TNNI3K: variants seen among roughly 807,000 people sequenced by gnomAD.
TNNI3K encodes the protein serine/threonine-protein kinase TNNI3K.
In TNNI3K, 140 loss-of-function variants were observed where a neutral mutation model predicts 114.5. The observed-to-expected ratio is 1.22, with a 90% CI of 1.07 to 1.41. The LOEUF (loss-of-function observed/expected upper bound fraction) is 1.41. Ranked by LOEUF, TNNI3K falls within the 40% of genes most tolerant of loss-of-function variation. The pLI, the probability that TNNI3K is intolerant of heterozygous loss-of-function variation, is 0.00. For synonymous variants in TNNI3K, 347 were observed against 347.5 expected (o/e 1.00, Z 0.02); for missense variants, 1,125 against 1,007.6 (o/e 1.12, Z -1.58).
chr1:74,508,745 A>C (rs1374419539), intron 23 of TNNI3K, among the ~76,000 whole-genome samples: 1 of 152,208 alleles, frequency 6.6e-6, no homozygotes. Context: ...TGCTGATAAC[A>C]TAAGTGGGAG....
At chr1:74,432,152 A>G (rs983461722) in intron 17 of TNNI3K, among the ~76,000 whole-genome samples, 10 of 152,084 alleles carry the variant, frequency 6.6e-5, no homozygotes, top group Admixed American at 3.3e-4. Context: ...GTATAAGTTA[A>G]CCATTTTCCT....
At chr1:74,427,524 C>T (rs1665695395) in intron 17 of TNNI3K, among the ~76,000 whole-genome samples, 3 of 151,976 alleles carry the variant, frequency 2.0e-5, no homozygotes, top group Non-Finnish European at 2.9e-5. Flanking sequence ...TGTTCATCCA[C>T]GGTACCAATG....
Position 74,315,556 on chromosome 1 carries a change from G to T in TNNI3K, c.445-15894G>T, listed in dbSNP as rs976668567. Among the ~76,000 whole-genome samples the T allele has an allele frequency of 1.3e-4, 19 of 145,184 alleles. No homozygotes were observed. In the South Asian group the frequency reaches 3.3e-3, roughly 25 times the overall value. ...TTTGACAAATAAAACCAAGTTTTTG[G>T]TTTTTTTTTTTAACTGGATTTGTAG... On this transcript the variant is annotated intron_variant, in intron 5 of 24. Coordinates refer to ENST00000326637, the MANE Select transcript of TNNI3K (RefSeq NM_015978.3).
chr1:74,310,579 T>C (rs2100349870), intron 5 of TNNI3K, among the ~76,000 whole-genome samples: 1 of 152,232 alleles, frequency 6.6e-6, no homozygotes, highest in East Asian at 1.9e-4. Flanking sequence ...ACTACAAGCC[T>C]ACAGTAACTA....
chr1:74,527,693 T>C (rs1046154150), intron 23 of TNNI3K, among the ~76,000 whole-genome samples: 5 of 152,092 alleles, frequency 3.3e-5, no homozygotes, highest in East Asian at 1.9e-4. Context: ...CACTGAGGGA[T>C]TGGAATCAGG....
At chr1:74,289,646 G>T (rs1373814653) in intron 5 of TNNI3K, among the ~76,000 whole-genome samples, 2 of 151,894 alleles carry the variant, frequency 1.3e-5, no homozygotes, top group African/African-American at 4.8e-5. Flanking sequence ...CCTTGCCATT[G>T]ATAGCATGGA....
rs894322300 is a variant in TNNI3K at position 74,509,928 on chromosome 1, A to AT, written c.2351+17668dup. ...GCCACTGCACTTGGCTAATTTTTGT[A>AT]TTTTTTGTAGAGACAGGGTTTCACC... On this transcript the variant is annotated intron_variant, in intron 23 of 24. Transcript: ENST00000326637. Among the ~76,000 whole-genome samples, 7 of 150,860 alleles carry AT rather than the reference A, an allele frequency of 4.6e-5. No homozygotes were observed. In the South Asian group the frequency reaches 1.3e-3, roughly 27 times the overall value.
chr1:74,461,068 C>T (rs1433105804), intron 20 of TNNI3K, among the ~76,000 whole-genome samples: 1 of 150,908 alleles, frequency 6.6e-6, no homozygotes, highest in African/African-American at 2.5e-5. Context: ...CTTACAGCTA[C>T]ACCAGCTCAA....
intron 19 of TNNI3K, chr1:74,439,286 C>T (rs1337167238): frequency 3.2e-6 from 2 of 624,118 alleles, no homozygotes; most frequent in Non-Finnish European, 4.6e-6. Flanking sequence ...CTTTGAGGAA[C>T]TGAACAGCCA....
intron 5 of TNNI3K, among the ~76,000 whole-genome samples, chr1:74,297,522 C>CATGTGTGTGTGTGTGT (rs1553128510): frequency 4.1e-5 from 6 of 145,354 alleles, no homozygotes; most frequent in African/African-American, 1.5e-4. Flanking sequence ...TGTGTGTGTG[C>CATGTGTGTGTGTGTGT]GTGTGTGTGT....
intron 20 of TNNI3K, among the ~76,000 whole-genome samples, chr1:74,442,708 G>A (rs1046453676): frequency 1.2e-4 from 18 of 151,848 alleles, no homozygotes; most frequent in African/African-American, 3.6e-4. Context: ...TCTATTTTGT[G>A]TCTCTTGATA....
intron 24 of TNNI3K, among the ~76,000 whole-genome samples, chr1:74,543,290 T>A (rs1646749855): frequency 6.6e-6 from 1 of 152,058 alleles, no homozygotes; most frequent in Non-Finnish European, 1.5e-5. Context: ...ACCAGGATGG[T>A]CTCGATCTCC....
At chr1:74,268,094 G>T (rs11210444) in intron 4 of TNNI3K, among the ~76,000 whole-genome samples, 4,459 of 151,984 alleles carry the variant, frequency 0.029, 202 homozygotes, top group African/African-American at 0.1. Context: ...TATTAAATAT[G>T]TAAACAATTT....
chr1:74,527,563 G>C (rs534243936), intron 23 of TNNI3K, among the ~76,000 whole-genome samples: 1 of 152,284 alleles, frequency 6.6e-6, no homozygotes, highest in Admixed American at 6.5e-5. Flanking sequence ...GGTGGATAGG[G>C]AGGGGAGACA....
At chr1:74,283,953 A>G (rs1431910143) in intron 5 of TNNI3K, among the ~76,000 whole-genome samples, 1 of 152,142 alleles carries the variant, frequency 6.6e-6, no homozygotes, top group African/African-American at 2.4e-5. Context: ...TTTGCACACC[A>G]TACTCCTTAC....
chr1:74,378,627 T>TA (rs1246997245), intron 17 of TNNI3K: 6 of 83,628 alleles, frequency 7.2e-5, no homozygotes, highest in African/African-American at 3.1e-4. Flanking sequence ...TATATATATA[T>TA]ATATATATAT....
intron 23 of TNNI3K, among the ~76,000 whole-genome samples, chr1:74,494,926 A>C (rs1019583895): frequency 6.6e-6 from 1 of 152,212 alleles, no homozygotes; most frequent in Non-Finnish European, 1.5e-5. Flanking sequence ...GGAGAGCTAC[A>C]CAGAATAGGA....
intron 2 of TNNI3K, among the ~76,000 whole-genome samples, chr1:74,249,201 C>T (rs1654775618): frequency 6.6e-6 from 1 of 151,456 alleles, no homozygotes; most frequent in Non-Finnish European, 1.5e-5. Flanking sequence ...CATCTAGTAG[C>T]TGTCAGTGAT....
intron 17 of TNNI3K, among the ~76,000 whole-genome samples, chr1:74,403,308 T>G (rs1664461597): frequency 6.6e-6 from 1 of 152,158 alleles, no homozygotes; most frequent in African/African-American, 2.4e-5. Context: ...TCTGTTATTA[T>G]CAATAGTAAA....
Sources: allele counts gnomAD v4.1 joint callset (sites outside exome capture counted in the v4.1 genomes callset), GRCh38; gene constraint gnomAD v4.1.1; transcripts MANE v1.5; gene names NCBI Gene and HGNC (gene_info 2026-07-23, HGNC 2026-07-21).